KIAA0040: variants seen among roughly 807,000 people sequenced by gnomAD.
KIAA0040 encodes KIAA0040.
In KIAA0040, 10 loss-of-function variants were observed where a neutral mutation model predicts 7.2. The ratio of observed to expected loss-of-function variants is 1.38; its 90% CI spans 0.85 to 2.34. KIAA0040 has a LOEUF of 2.34. KIAA0040 is among the 30% of genes most tolerant of loss of function. The pLI is 0.00. For missense variants in KIAA0040, 89 were observed against 108.2 expected (o/e 0.82, Z 0.79); for synonymous variants, 49 against 40.1 (o/e 1.22, Z -0.84).
intron 2 of KIAA0040, among the ~76,000 whole-genome samples, chr1:175,172,060 A>T (rs1677014051): frequency 6.6e-6 from 1 of 152,176 alleles, no homozygotes; most frequent in Non-Finnish European, 1.5e-5. Context: ...TGGAATCTCC[A>T]GTTCCTTTAT....
At chr1:175,171,416 G>A (rs1444126863) in intron 2 of KIAA0040, among the ~76,000 whole-genome samples, 1 of 152,166 alleles carries the variant, frequency 6.6e-6, no homozygotes, top group Non-Finnish European at 1.5e-5. Context: ...ATGAATGAAT[G>A]AATGAGTGAA....
upstream of KIAA0040, chr1:175,192,817 G>GCCCCCCCCCCCCC (rs1558405268): frequency 5.9e-4 from 73 of 123,530 alleles, no homozygotes; most frequent in Non-Finnish European, 6.0e-4. Context: ...CGTGGGAGCC[G>GCCCCCCCCCCCCC]CCCGCCCCGC....
Position 175,170,263 on chromosome 1 carries a change from G to C in KIAA0040, c.-309-3526C>G, listed in dbSNP as rs542998167. On this transcript the variant is annotated intron_variant, in intron 2 of 3. Transcript: ENST00000423313. ...CGTAAGTAAAGCAGGGCTTGAGCTAGGGGCACTTGGGCCCTGTGGGTATGG... is the reference window on the plus strand; with the variant it reads ...CGTAAGTAAAGCAGGGCTTGAGCTACGGGCACTTGGGCCCTGTGGGTATGG... Among the ~76,000 whole-genome samples, 3 of 152,306 alleles carry C rather than the reference G, an allele frequency of 2.0e-5. No individual in the cohort carries two copies. In the South Asian group the frequency reaches 6.2e-4, roughly 32 times the overall value.
intron 2 of KIAA0040, among the ~76,000 whole-genome samples, chr1:175,173,768 G>A (rs1454612643): frequency 6.6e-6 from 1 of 152,182 alleles, no homozygotes; most frequent in Admixed American, 6.5e-5. Flanking sequence ...GACCAAACAC[G>A]TTGAAGAGAA....
chr1:175,180,491 G>A (rs1200794356), intron 1 of KIAA0040, among the ~76,000 whole-genome samples: 3 of 152,188 alleles, frequency 2.0e-5, no homozygotes, highest in Non-Finnish European at 2.9e-5. Context: ...GATCATGTTG[G>A]TCAGCTGGAA....
intron 1 of KIAA0040, among the ~76,000 whole-genome samples, chr1:175,180,043 A>G (rs1330118567): frequency 6.6e-6 from 1 of 152,066 alleles, no homozygotes; most frequent in Non-Finnish European, 1.5e-5. Flanking sequence ...TCCTTATACA[A>G]CTGTAGCTCT....
In KIAA0040 at chr1:175,160,974, T is replaced by C; in HGVS notation, c.40A>G (p.Thr14Ala). Residue 14 changes from threonine (T) to alanine (A), a missense_variant, in exon 4 of 4, where the codon ACC (threonine) becomes GCC (alanine). Thr to Ala is a moderately conservative substitution (Grantham distance 58, BLOSUM62 0). Transcript: ENST00000423313. ...ISAFFSSIWD[T>A]ILTKHQEGIY... ...CCTTCTTGGTGTTTGGTCAAGATGGTGTCCCAGATAGAGCTGAAGAAGGCA... is the reference window on the plus strand; with the variant it reads ...CCTTCTTGGTGTTTGGTCAAGATGGCGTCCCAGATAGAGCTGAAGAAGGCA... 6.4e-7 allele frequency: 1 copy of C among 1,551,338 alleles called. No individual in the cohort carries two copies. The highest frequency in any genetic ancestry group is 2.4e-5 in the East Asian group (1 of 40,906).
Position 175,165,544 on chromosome 1 carries a change from A to ATCT in KIAA0040, c.-134+1015_-134+1017dup, listed in dbSNP as rs1676725055. 2.6e-5 allele frequency among the ~76,000 whole-genome samples: 4 copies of ATCT among 152,280 alleles called. No individual in the cohort carries two copies. In the South Asian group the frequency reaches 8.3e-4, roughly 32 times the overall value. On this transcript the variant is annotated intron_variant, in intron 3 of 3. Coordinates refer to ENST00000423313, the MANE Select transcript of KIAA0040 (RefSeq NM_014656.3). The stretch of plus-strand genomic sequence containing the variant: ...TGAAATGAAAAGGTCTTCAGAAATA[A>ATCT]TCTCCCTAATATGGTTGGTCTGTAG...
chr1:175,160,918 G>A lies in KIAA0040; in HGVS notation c.96C>T (p.Leu32=). 1 of 1,551,616 alleles carries A rather than the reference G, an allele frequency of 6.4e-7. No individual in the cohort carries two copies. The highest frequency in any genetic ancestry group is 1.2e-5 in the South Asian group (1 of 84,028). ...TGATCACCAAGAGTGGCAGGCCCAG[G>A]AGGACTCCCAGGCAGATGGTGTTGT... is the stretch of plus-strand genomic sequence containing the variant. ...GIYNTICLGV[L]LGLPLLVIIT... is the part of the protein sequence containing the mutation. Residue 32 remains leucine, a synonymous_variant, in exon 4 of 4, where the codon CTC becomes CTT. Coordinates refer to ENST00000423313, the MANE Select transcript of KIAA0040 (RefSeq NM_014656.3).
In KIAA0040 at chr1:175,157,617, T is replaced by C. The variant is rs1355440249; in HGVS notation, c.*3097A>G. On this transcript the variant is annotated 3_prime_UTR_variant, in exon 4 of 4. Coordinates refer to ENST00000423313, the MANE Select transcript of KIAA0040 (RefSeq NM_014656.3). ...TACAGAAAAAAATACTGACAAATAC[T>C]ATACAGCTTGGACCCTTTATATTTT... is the stretch of plus-strand genomic sequence containing the variant. The C allele has an allele frequency of 2.6e-5, 4 of 152,230 alleles. No individual in the cohort carries two copies. Among genetic ancestry groups the C allele is most frequent in the Non-Finnish European group, 5.9e-5 (4 of 68,040 alleles). 9.4% of individuals were successfully genotyped at this position (152,230 alleles called of 1,614,324 possible).
chr1:175,168,425 T>C (rs770849901), intron 2 of KIAA0040, among the ~76,000 whole-genome samples: 16 of 152,168 alleles, frequency 1.1e-4, no homozygotes, highest in South Asian at 2.1e-4. Flanking sequence ...TAACTAGATA[T>C]TCAGTATTAA....
At chr1:175,165,623 C>T (rs757800904) in intron 3 of KIAA0040, among the ~76,000 whole-genome samples, 6 of 152,170 alleles carry the variant, frequency 3.9e-5, no homozygotes, top group East Asian at 3.9e-4. Context: ...GGAGAGCGGT[C>T]GCTTGGGGAA....
At chr1:175,164,490 A>G (rs1014554) in intron 3 of KIAA0040, among the ~76,000 whole-genome samples, 85,843 of 151,792 alleles carry the variant, frequency 0.57, 24,747 homozygotes, top group East Asian at 0.86. Context: ...TTATCTCAAC[A>G]TCTAGGGCCC....
chr1:175,161,173 A>G (rs996032769), intron 3 of KIAA0040, 27 bp from the exon 4 acceptor site: 3 of 598,806 alleles, frequency 5.0e-6, no homozygotes, highest in Admixed American at 6.8e-5. Flanking sequence ...AGACAACTGA[A>G]GAGAAATGCA....
At chr1:175,185,331 T>G (rs192632925) in intron 1 of KIAA0040, among the ~76,000 whole-genome samples, 179 of 152,300 alleles carry the variant, frequency 1.2e-3, no homozygotes, top group African/African-American at 4.2e-3. Context: ...TGCTTAATGT[T>G]ATCCCCAGCA....
chr1:175,157,098 CAT>C lies in KIAA0040; in HGVS notation c.*3614_*3615del, dbSNP rs1676300637. ...CAGTGTACACACACTTACACACACA[CAT>C]ACACACAGTTTTTGCCCTAGTGGCT... On this transcript the variant is annotated 3_prime_UTR_variant, in exon 4 of 4. Coordinates refer to ENST00000423313, the MANE Select transcript of KIAA0040 (RefSeq NM_014656.3). 1 of 152,184 alleles carries C rather than the reference CAT, an allele frequency of 6.6e-6. No individual in the cohort carries two copies. The highest frequency in any genetic ancestry group is 2.4e-5 in the African/African-American group (1 of 41,414). 9.4% of individuals were successfully genotyped at this position (152,184 alleles called of 1,614,324 possible).
At position 175,160,352 on chromosome 1, in the gene KIAA0040, A is replaced by C; in HGVS notation, c.*362T>G. ...ACTTGCCCACGTACCTGCTACCTGAATTTGTGTGTGTGTGTGTTACGTGCA... is the reference window on the plus strand; with the variant it reads ...ACTTGCCCACGTACCTGCTACCTGACTTTGTGTGTGTGTGTGTTACGTGCA... On this transcript the variant is annotated 3_prime_UTR_variant, in exon 4 of 4. Coordinates refer to ENST00000423313, the MANE Select transcript of KIAA0040 (RefSeq NM_014656.3). 1 of 221,656 alleles carries C rather than the reference A, an allele frequency of 4.5e-6. No homozygotes were observed. The highest frequency in any genetic ancestry group is 9.0e-6 in the Non-Finnish European group (1 of 111,388). 13.7% of individuals were successfully genotyped at this position (221,656 alleles called of 1,614,324 possible).
chr1:175,168,972 C>T (rs1470936310), intron 2 of KIAA0040, among the ~76,000 whole-genome samples: 1 of 152,186 alleles, frequency 6.6e-6, no homozygotes, highest in Admixed American at 6.5e-5. Flanking sequence ...GGGAGGACTC[C>T]AAGAGCCCTG....
intron 2 of KIAA0040, among the ~76,000 whole-genome samples, chr1:175,171,084 G>A (rs1304762148): frequency 6.6e-6 from 1 of 152,192 alleles, no homozygotes; most frequent in Non-Finnish European, 1.5e-5. Context: ...AGATCTTGGC[G>A]TGATTGCTTC....
Sources: gnomAD v4.1 joint callset for allele counts (sites outside exome capture counted in the v4.1 genomes callset) on GRCh38, gnomAD v4.1.1 for gene constraint, MANE v1.5 for transcripts, NCBI Gene and HGNC (gene_info 2026-07-23, HGNC 2026-07-21) for gene names.